Variants in DPEP3 observed in about 807,000 individuals in gnomAD.
The protein encoded by DPEP3 is membrane-bound dipeptidase 3.
In DPEP3, 42 loss-of-function variants were observed where a neutral mutation model predicts 47.5. That is an observed-to-expected ratio of 0.88 (90% CI 0.69 to 1.14). DPEP3 has a LOEUF of 1.14. Ranked by LOEUF, DPEP3 falls within the 50% of genes most tolerant of loss-of-function variation. The pLI is 0.00. For synonymous variants in DPEP3, 276 were observed against 270.2 expected (o/e 1.02, Z -0.21); for missense variants, 560 against 635.0 (o/e 0.88, Z 1.27).
rs745723376 is a variant in DPEP3 at position 67,975,953 on chromosome 16, A to G, written c.1279T>C (p.Tyr427His). 2 of 1,613,928 alleles carry G rather than the reference A, an allele frequency of 1.2e-6. No individual in the cohort carries two copies. The highest frequency in any genetic ancestry group is 2.2e-5 in the East Asian group (1 of 44,868). Residue 427 changes from tyrosine to histidine, a missense_variant, in exon 10 of 10, where the codon TAT becomes CAT. Tyr to His is a moderately conservative substitution (Grantham distance 83). Transcript: ENST00000268793. ...TGGCAGGATGTGCTCAGTTGCCCAT[A>G]TGGAAACTCAGCCTCCACGGGGCTC... The part of the protein sequence containing the change: ...AQSPVEAEFP[Y>H]GQLSTSCHSH...
intron 1 of DPEP3, 114 bp downstream of exon 1, chr16:67,979,980 C>T: frequency 7.0e-7 from 1 of 1,423,980 alleles, no homozygotes; most frequent in Non-Finnish European, 9.4e-7. Context: ...AGAGGGCATC[C>T]AGGGGTGGTG....
At position 67,977,833 on chromosome 16, in the gene DPEP3, C is replaced by A; in HGVS notation, c.757-4G>T. The A allele has an allele frequency of 1.2e-6, 2 of 1,613,836 alleles. No homozygotes were observed. Among genetic ancestry groups the A allele is most frequent in the South Asian group, 1.1e-5 (1 of 91,076 alleles). On this transcript the variant is annotated splice_polypyrimidine_tract_variant and splice_region_variant and intron_variant, in intron 5 of 9. Transcript: ENST00000268793. ...GGTTCAACTCCTCTACTACTTTCTGCAGAAACAATTAGGTTTTTTTGTGGG... is the reference window on the plus strand; with the variant it reads ...GGTTCAACTCCTCTACTACTTTCTGAAGAAACAATTAGGTTTTTTTGTGGG...
At position 67,980,150 on chromosome 16, in the gene DPEP3, G is replaced by A. The variant is rs1173523707; in HGVS notation, c.231C>T (p.Thr77=). ...PGLTTPGTPK[T]LDLRGRAQAL... ...CCTGCGCGCGACCCCGAAGGTCCAGGGTTTTGGGGGTGCCTGGCGTAGTGA... is the reference window on the plus strand; with the variant it reads ...CCTGCGCGCGACCCCGAAGGTCCAGAGTTTTGGGGGTGCCTGGCGTAGTGA... The change falls in exon 1 of 10, where the codon ACC becomes ACT. Residue 77 remains threonine (T), a synonymous_variant. Transcript: ENST00000268793. 1 of 1,612,596 alleles carries A rather than the reference G, an allele frequency of 6.2e-7. No homozygotes were observed. The highest frequency in any genetic ancestry group is 1.3e-5 in the African/African-American group (1 of 74,888).
At chr16:67,977,199 C>G in intron 7 of DPEP3, 71 bp downstream of exon 7, 2 of 1,422,940 alleles carry the variant, frequency 1.4e-6, no homozygotes, top group Non-Finnish European at 2.0e-6. Flanking sequence ...CACTAGACTG[C>G]TAGAGTCGTC....
intron 2 of DPEP3, among the ~76,000 whole-genome samples, chr16:67,979,421 G>A (rs2031273309): frequency 6.6e-6 from 1 of 152,212 alleles, no homozygotes; most frequent in African/African-American, 2.4e-5. Context: ...CACTCACCAG[G>A]GATTTTCTGG....
At position 67,976,130 on chromosome 16, in the gene DPEP3, C is replaced by T. The variant is rs181650862; in HGVS notation, c.1193G>A (p.Arg398His). 1.2e-4 allele frequency: 198 copies of T among 1,614,190 alleles called. 1 individual carries two copies. The Admixed American group carries it at 2.8e-3, about 23-fold the overall frequency. ...TCTGAAGACCCGCAGCAGGTTTCCA[C>T]GAAGGACACCTTGAAGCTCTTCCTC... is the stretch of plus-strand genomic sequence containing the variant. ...WSEEELQGVL[R>H]GNLLRVFRQV... Residue 398 changes from arginine to histidine, a missense_variant, in exon 9 of 10, where the codon CGT (arginine) becomes CAT (histidine). Physicochemically the swap from Arg to His is conservative, Grantham distance 29. Transcript: ENST00000268793.
chr16:67,980,479 G>C lies in DPEP3; in HGVS notation c.-99C>G, dbSNP rs772381907. ...ATGACGACCCAGCCTCCCGAAGAGG[G>C]GGTTGAAGTCACGCGACTCTGAGAC... On this transcript the variant is annotated 5_prime_UTR_variant, in exon 1 of 10. Transcript: ENST00000268793. 2.1e-6 allele frequency: 3 copies of C among 1,434,218 alleles called. No individual in the cohort carries two copies. The Admixed American group carries it at 9.0e-5, about 43-fold the overall frequency. The allele number at this position is 1,434,218 out of a possible 1,614,324, so 88.8% of individuals were successfully genotyped here. A position where few individuals can be genotyped will look rare whatever the true frequency, so the allele number is the denominator to read the frequency against.
intron 7 of DPEP3, 24 bp downstream of exon 7, chr16:67,977,246 G>A (rs1157372698): frequency 6.2e-7 from 1 of 1,610,078 alleles, no homozygotes; most frequent in Admixed American, 1.7e-5. Context: ...AGCCAGCACT[G>A]CACAAAGCTG....
chr16:67,979,362 A>C (rs996806537), intron 2 of DPEP3, among the ~76,000 whole-genome samples: 1 of 152,220 alleles, frequency 6.6e-6, no homozygotes, highest in African/African-American at 2.4e-5. Context: ...TGCTATGTGA[A>C]TGCCCCAAGG....
intron 5 of DPEP3, 39 bp downstream of exon 5, chr16:67,977,899 G>GGCA: frequency 6.2e-7 from 1 of 1,613,898 alleles, no homozygotes; most frequent in Non-Finnish European, 8.5e-7. Context: ...CATATCCGTA[G>GGCA]GCAGCAGGTG....
Position 67,980,259 on chromosome 16 carries a change from C to A in DPEP3, c.122G>T (p.Gly41Val). 1 of 1,600,852 alleles carries A rather than the reference C, an allele frequency of 6.2e-7. No individual in the cohort carries two copies. Among genetic ancestry groups the A allele is most frequent in the East Asian group, 2.2e-5 (1 of 44,520 alleles). ...CAGCGTGGAGAGGGCTCTGGGGGCGCCCGGCGTGGTCTCCGCGCGGGTTAC... is the reference window on the plus strand; with the variant it reads ...CAGCGTGGAGAGGGCTCTGGGGGCGACCGGCGTGGTCTCCGCGCGGGTTAC... ...QPVTRAETTP[G>V]APRALSTLGS... The change falls in exon 1 of 10, where the codon GGC becomes GTC. Residue 41 changes from glycine to valine, a missense_variant. Gly to Val is a moderately radical substitution (Grantham distance 109). Transcript: ENST00000268793.
At position 67,977,667 on chromosome 16, in the gene DPEP3, T is replaced by C. The variant is rs750078861; in HGVS notation, c.919A>G (p.Ile307Val). ...CDNLLNVPDDILQLLKKNGGI... is the reference protein window; with the variant it reads ...CDNLLNVPDDVLQLLKKNGGI... ...TGGCCACTCACCAGAAGCTGCAGGA[T>C]ATCATCGGGAACATTCAACAAATTG... is the stretch of plus-strand genomic sequence containing the variant. The change falls in exon 6 of 10, where the codon ATC becomes GTC. Residue 307 changes from isoleucine (I) to valine (V), a missense_variant. By Grantham distance (29) the Ile-to-Val change is conservative (BLOSUM62 3). Transcript: ENST00000268793. The C allele has an allele frequency of 6.2e-6, 10 of 1,611,508 alleles. No homozygotes were observed. The highest frequency in any genetic ancestry group is 1.3e-5 in the African/African-American group (1 of 74,856).
At position 67,977,758 on chromosome 16, in the gene DPEP3, T is replaced by A; in HGVS notation, c.828A>T (p.Arg276Ser). Reference protein sequence around the residue: ...DLSYASDTLIRRVLEVSQAPV... With the variant: ...DLSYASDTLISRVLEVSQAPV... ...GAGCCTGAGACACTTCCAGGACCCT[T>A]CTTATCAAGGTGTCCGATGCATAGG... The change falls in exon 6 of 10, where the codon AGA becomes AGT. Residue 276 changes from arginine to serine, a missense_variant. By Grantham distance (110) the Arg-to-Ser change is moderately radical. Transcript: ENST00000268793. 6.2e-7 allele frequency: 1 copy of A among 1,613,760 alleles called. No individual in the cohort carries two copies. Among genetic ancestry groups the A allele is most frequent in the Non-Finnish European group, 8.5e-7 (1 of 1,179,806 alleles).
rs1287266132 is a variant in DPEP3, at chr16:67,980,471, C to T, written c.-91G>A. The T allele has an allele frequency of 4.2e-6, 6 of 1,438,028 alleles. No homozygotes were observed. The highest frequency in any genetic ancestry group is 5.8e-5 in the Admixed American group (2 of 34,208). The allele number at this position is 1,438,028 out of a possible 1,614,324, so 89.1% of individuals were successfully genotyped here. On this transcript the variant is annotated 5_prime_UTR_variant, in exon 1 of 10. Transcript: ENST00000268793. ...TCCGGATCATGACGACCCAGCCTCC[C>T]GAAGAGGGGGTTGAAGTCACGCGAC...
Position 67,978,707 on chromosome 16 carries a change from A to G in DPEP3, c.415-81T>C. On this transcript the variant is annotated intron_variant, in intron 2 of 9. Transcript: ENST00000268793. The surrounding 1 kb of genome is among the most constrained non-coding windows in gnomAD (Gnocchi z 4.4). ...GCCTGCCACTCCTGCCTCAGACCCC[A>G]TAACACCCATTTGGGTCAGTGGCCC... 1.3e-6 allele frequency: 2 copies of G among 1,566,440 alleles called. No individual in the cohort carries two copies. Among genetic ancestry groups the G allele is most frequent in the African/African-American group, 1.4e-5 (1 of 74,030 alleles).
In DPEP3 at chr16:67,978,069, G is replaced by A; in HGVS notation, c.687-62C>T. The A allele has an allele frequency of 6.3e-7, 1 of 1,595,656 alleles. No homozygotes were observed. The highest frequency in any genetic ancestry group is 1.1e-5 in the South Asian group (1 of 90,658). On this transcript the variant is annotated intron_variant, in intron 4 of 9. Transcript: ENST00000268793. This position sits in a 1 kb window ranked among gnomAD's most constrained non-coding sequence, Gnocchi z 4.4. ...ACACCTTGGGCCATCACAGCCTGGG[G>A]GCCCTGGCTCTATCCATCCATCCTG... is the stretch of plus-strand genomic sequence containing the variant.
Position 67,978,201 on chromosome 16 carries a change from C to A in DPEP3, c.686+66G>T. ...TTCATCCTCAACGGCTTGGTCACACCCATGCCAGGAATGGGGCAGTTTCCA... is the reference window on the plus strand; with the variant it reads ...TTCATCCTCAACGGCTTGGTCACACACATGCCAGGAATGGGGCAGTTTCCA... On this transcript the variant is annotated intron_variant, in intron 4 of 9. Transcript: ENST00000268793. This position sits in a 1 kb window ranked among gnomAD's most constrained non-coding sequence, Gnocchi z 4.4. 6.2e-7 allele frequency: 1 copy of A among 1,610,270 alleles called. No homozygotes were observed. Among genetic ancestry groups the A allele is most frequent in the Non-Finnish European group, 8.5e-7 (1 of 1,177,734 alleles).
chr16:67,980,490 ACGC>A lies in DPEP3; in HGVS notation c.-113_-111del. The A allele has an allele frequency of 7.0e-7, 1 of 1,429,922 alleles. No homozygotes were observed. The highest frequency in any genetic ancestry group is 9.2e-7 in the Non-Finnish European group (1 of 1,091,892). The allele number at this position is 1,429,922 out of a possible 1,614,324, so 88.6% of individuals were successfully genotyped here. A position where few individuals can be genotyped will look rare whatever the true frequency, so the allele number is the denominator to read the frequency against. On this transcript the variant is annotated 5_prime_UTR_variant, in exon 1 of 10. Coordinates refer to ENST00000268793, the MANE Select transcript of DPEP3 (RefSeq NM_001370198.1). ...GCCTCCCGAAGAGGGGGTTGAAGTC[ACGC>A]GACTCTGAGACCGACGCGCCACGCA...
chr16:67,975,995 C>T lies in DPEP3; in HGVS notation c.1237G>A (p.Glu413Lys). ...RVFRQVEKVR[E>K]ESRAQSPVEA... ...ACGGGGCTCTGCGCCCTGCTCTCCT[C>T]TCTCACCTGGGGGAGGAAGTCCGCA... The change falls in exon 10 of 10, where the codon GAG becomes AAG. Residue 413 changes from glutamate to lysine, a missense_variant. Glu to Lys is a moderately conservative substitution (Grantham distance 56). Transcript: ENST00000268793. 6.2e-7 allele frequency: 1 copy of T among 1,613,866 alleles called. No homozygotes were observed. The highest frequency in any genetic ancestry group is 1.1e-5 in the South Asian group (1 of 91,086).
Sources: allele counts gnomAD v4.1 joint callset (sites outside exome capture counted in the v4.1 genomes callset), GRCh38; gene constraint gnomAD v4.1.1; non-coding constraint Gnocchi (gnomAD v3.1); transcripts MANE v1.5; gene names NCBI Gene and HGNC (gene_info 2026-07-23, HGNC 2026-07-21).